The following PRKCB variants were observed in gnomAD, a reference collection of about 807,000 sequenced individuals.
PRKCB encodes the protein protein kinase C beta type.
A neutral mutation model predicts 81.5 loss-of-function variants in PRKCB; 13 were observed. That is an observed-to-expected ratio of 0.16 (90% confidence interval 0.10 to 0.25). PRKCB has a LOEUF of 0.25. Ranked by LOEUF, PRKCB falls within the 10% of genes least tolerant of loss-of-function variation. PRKCB has a pLI of 1.00. For synonymous variants in PRKCB, 335 were observed against 321.4 expected, an observed-to-expected ratio of 1.04 and a Z score of -0.45; for missense variants, 509 against 875.7, an observed-to-expected ratio of 0.58 and a Z score of 5.29.
Position 23,863,171 on chromosome 16 carries a change from T to C in PRKCB, c.205+25765T>C, listed in dbSNP as rs539867405. Among the ~76,000 whole-genome samples the C allele has an allele frequency of 7.6e-3, 614 of 80,924 alleles. 9 individuals are homozygous for C. Among genetic ancestry groups the C allele is most frequent in the Middle Eastern group, 0.018 (3 of 166 alleles). The allele number at this position is 80,924 out of a possible 152,430, so 53.1% of individuals were successfully genotyped here. On this transcript the variant is annotated intron_variant, in intron 2 of 16. Transcript: ENST00000643927. Reference sequence around the variant, plus strand: ...GTATATATATACACATGCATATATATGTATATATGTGTATACATACATACG... The same window carrying C: ...GTATATATATACACATGCATATATACGTATATATGTGTATACATACATACG...
intron 7 of PRKCB, among the ~76,000 whole-genome samples, chr16:24,107,604 C>T (rs1966594670): frequency 6.6e-6 from 1 of 152,206 alleles, no homozygotes. Context: ...GGTCCTGCTC[C>T]TCTCTGAGGG....
chr16:24,128,367 ACT>A (rs957621916), intron 9 of PRKCB, among the ~76,000 whole-genome samples: 11 of 150,304 alleles, frequency 7.3e-5, no homozygotes, highest in Non-Finnish European at 1.3e-4. Flanking sequence ...AGAGCAAGAC[ACT>A]GTCTCAAACA....
At chr16:24,133,007 C>T (rs901036151) in intron 9 of PRKCB, among the ~76,000 whole-genome samples, 2 of 152,094 alleles carry the variant, frequency 1.3e-5, no homozygotes, top group African/African-American at 2.4e-5. Context: ...ACAGCGATTC[C>T]GTGGAATGTC....
At chr16:23,982,112 C>T (rs1225087623) in intron 2 of PRKCB, among the ~76,000 whole-genome samples, 3 of 58,224 alleles carry the variant, frequency 5.2e-5, no homozygotes, top group Admixed American at 3.0e-4. Context: ...CTTCCCTTCC[C>T]TTTCCCTTCC....
intron 5 of PRKCB, among the ~76,000 whole-genome samples, chr16:24,067,044 T>G (rs948493446): frequency 3.3e-5 from 5 of 151,596 alleles, no homozygotes; most frequent in Non-Finnish European, 5.9e-5. Flanking sequence ...AGAGATGAGG[T>G]CTCGCTGTGT....
intron 11 of PRKCB, among the ~76,000 whole-genome samples, chr16:24,173,822 T>G (rs1967485172): frequency 1.3e-5 from 2 of 152,306 alleles, no homozygotes; most frequent in South Asian, 4.1e-4. Context: ...AGTTAATCTC[T>G]CTAACCCTCA....
intron 2 of PRKCB, among the ~76,000 whole-genome samples, chr16:23,864,991 T>C (rs1296564699): frequency 6.6e-6 from 1 of 152,074 alleles, no homozygotes; most frequent in Admixed American, 6.6e-5. Context: ...TGGTATTTGG[T>C]TTTCTGTTTC....
intron 13 of PRKCB, 68 bp downstream of exon 13, chr16:24,180,996 G>A (rs1967612995): frequency 6.3e-7 from 1 of 1,580,180 alleles, no homozygotes; most frequent in African/African-American, 1.3e-5. Flanking sequence ...GGCTGTGTGA[G>A]AGCTGGGAAG....
chr16:24,018,749 CA>C (rs1965319484), intron 3 of PRKCB, among the ~76,000 whole-genome samples: 1 of 152,236 alleles, frequency 6.6e-6, no homozygotes, highest in African/African-American at 2.4e-5. Context: ...ACCCAACACA[CA>C]AGTGTTTACA....
rs908127671 is a variant in PRKCB at position 24,039,224 on chromosome 16, C to A, written c.529+3677C>A. On this transcript the variant is annotated intron_variant, in intron 5 of 16. Transcript: ENST00000643927. ...TGTGAAGAAATAAATGTCTTTTTTT[C>A]TTTTTTTCTTTTTATTTTGTTTTAG... 2.0e-5 allele frequency among the ~76,000 whole-genome samples: 3 copies of A among 151,870 alleles called. No homozygotes were observed. The East Asian group carries it at 5.8e-4, about 29-fold the overall frequency.
intron 2 of PRKCB, among the ~76,000 whole-genome samples, chr16:23,934,052 T>C (rs571180257): frequency 1.3e-5 from 2 of 151,808 alleles, no homozygotes; most frequent in Non-Finnish European, 2.9e-5. Context: ...CATCCATCCA[T>C]CCACCCATTT....
rs398029038 is a variant in PRKCB at position 23,886,406 on chromosome 16, G to GTTTTTTTT, written c.205+49019_205+49026dup. 3.7e-3 allele frequency among the ~76,000 whole-genome samples: 260 copies of GTTTTTTTT among 70,210 alleles called. 20 individuals are homozygous for GTTTTTTTT. Among genetic ancestry groups the GTTTTTTTT allele is most frequent in the Non-Finnish European group, 5.1e-3 (205 of 39,900 alleles). 46.1% of individuals were successfully genotyped at this position (70,210 alleles called of 152,430 possible). A position where few individuals can be genotyped will look rare whatever the true frequency, so the allele number is the denominator to read the frequency against. On this transcript the variant is annotated intron_variant, in intron 2 of 16. Coordinates refer to ENST00000643927, the MANE Select transcript of PRKCB (RefSeq NM_002738.7). Reference sequence around the variant, plus strand: ...AGGGTTGGACTATGGTGTGTTAGGTGTTTTTTTTTTTTTTTTTTTTTTTTT... The same window carrying GTTTTTTTT: ...AGGGTTGGACTATGGTGTGTTAGGTGTTTTTTTTTTTTTTTTTTTTTTTTTTTTTTTTT...
intron 2 of PRKCB, among the ~76,000 whole-genome samples, chr16:23,867,771 T>C (rs1408053039): frequency 6.6e-6 from 1 of 152,246 alleles, no homozygotes; most frequent in Non-Finnish European, 1.5e-5. Flanking sequence ...CAATCTTGGG[T>C]AGACTTTGAA....
At chr16:23,923,346 T>C (rs1430261066) in intron 2 of PRKCB, among the ~76,000 whole-genome samples, 1 of 152,038 alleles carries the variant, frequency 6.6e-6, no homozygotes, top group African/African-American at 2.4e-5. Context: ...GAGATGGCTA[T>C]GGAAGCTCTA....
chr16:23,952,540 G>A (rs146224522), intron 2 of PRKCB, among the ~76,000 whole-genome samples: 2 of 152,228 alleles, frequency 1.3e-5, no homozygotes, highest in African/African-American at 2.4e-5. Flanking sequence ...AGGGTGGGGC[G>A]ACTGGAGGGG....
rs548750411 is a variant in PRKCB, at chr16:24,014,056, T to C, written c.289-18080T>C. 2.6e-5 allele frequency among the ~76,000 whole-genome samples: 4 copies of C among 152,342 alleles called. No individual in the cohort carries two copies. In the South Asian group the frequency reaches 8.3e-4, roughly 32 times the overall value. On this transcript the variant is annotated intron_variant, in intron 3 of 16. Coordinates refer to ENST00000643927, the MANE Select transcript of PRKCB (RefSeq NM_002738.7). ...TTCTATACAGAGGATCTTTCTGCTC[T>C]TCTGAAATGCAGACTTGGGTGTGCT...
intron 5 of PRKCB, among the ~76,000 whole-genome samples, chr16:24,056,620 A>G (rs1347186900): frequency 1.3e-5 from 2 of 152,130 alleles, no homozygotes; most frequent in Non-Finnish European, 2.9e-5. Flanking sequence ...CATGTCACCT[A>G]AACGAGTTCT....
At chr16:24,146,574 A>G (rs1966993582) in intron 9 of PRKCB, among the ~76,000 whole-genome samples, 1 of 152,180 alleles carries the variant, frequency 6.6e-6, no homozygotes, top group Non-Finnish European at 1.5e-5. Flanking sequence ...CCATTATGCA[A>G]CGCTGGGCCA....
intron 2 of PRKCB, among the ~76,000 whole-genome samples, chr16:23,946,319 A>G (rs1964203502): frequency 6.6e-6 from 1 of 152,232 alleles, no homozygotes; most frequent in African/African-American, 2.4e-5. Context: ...GACCACCCAA[A>G]GAATGAGTAG....
Sources: allele counts gnomAD v4.1 joint callset (sites outside exome capture counted in the v4.1 genomes callset), GRCh38; gene constraint gnomAD v4.1.1; transcripts MANE v1.5; gene names NCBI Gene and HGNC (gene_info 2026-07-23, HGNC 2026-07-21).